The following PKD1 variants were observed in gnomAD, a reference collection of about 807,000 sequenced individuals.
PKD1 encodes the protein polycystin 1, transient receptor potential channel interacting, also known as polycystin-1.
PKD1 carries 81 observed loss-of-function variants against 361.7 expected under a neutral mutation model. The observed-to-expected ratio is 0.22, with a 90% confidence interval of 0.19 to 0.27. PKD1 has a LOEUF of 0.27. Ranked by LOEUF, PKD1 falls within the 10% of genes least tolerant of loss-of-function variation. The probability of loss-of-function intolerance (pLI) is 1.00; values close to 1 mark genes in which losing one functional copy is unlikely to be tolerated. For missense variants in PKD1, 6,399 were observed against 6,118.3 expected (o/e 1.05, Z -1.53); for synonymous variants, 3,615 against 2,818.3 (o/e 1.28, Z -8.95).
chr16:2,092,226 C>A, intron 39 of PKD1, 38 bp from the exon 40 acceptor site: 1 of 1,549,424 alleles, frequency 6.5e-7, no homozygotes, highest in South Asian at 1.2e-5. Context: ...GCCAGGGCCT[C>A]ATCAAAACCC....
intron 39 of PKD1, 90 bp downstream of exon 39, chr16:2,092,390 G>C (rs528412980): frequency 9.8e-7 from 1 of 1,023,416 alleles, no homozygotes; most frequent in East Asian, 2.5e-5. Context: ...CACACAGCTA[G>C]GGAGCAGGGC....
chr16:2,124,235 C>T (rs9933966), intron 1 of PKD1, among the ~76,000 whole-genome samples: 109 of 152,350 alleles, frequency 7.2e-4, no homozygotes, highest in Middle Eastern at 3.4e-3. Flanking sequence ...GCCAGCCTGC[C>T]GGCCCGAGGT....
chr16:2,121,239 C>T (rs991972101), intron 1 of PKD1, among the ~76,000 whole-genome samples: 1 of 151,764 alleles, frequency 6.6e-6, no homozygotes, highest in Non-Finnish European at 1.5e-5. Context: ...GTGGCAAGCA[C>T]CTGTAATTCC....
At chr16:2,097,294 G>A (rs775603859) in intron 33 of PKD1, 25 bp downstream of exon 33, 45 of 1,611,338 alleles carry the variant, frequency 2.8e-5, no homozygotes, top group South Asian at 8.8e-5. Flanking sequence ...GAGCTTCAGA[G>A]CCCCCTCCTC....
chr16:2,126,183 C>T (rs1316366679), intron 1 of PKD1, among the ~76,000 whole-genome samples: 3 of 152,234 alleles, frequency 2.0e-5, no homozygotes, highest in Admixed American at 2.0e-4. Context: ...GCACAGTGGA[C>T]GGGCTCAGAA....
rs1429595075 is a variant in PKD1, at chr16:2,089,134, T to A, written c.*593A>T. On this transcript the variant is annotated 3_prime_UTR_variant, in exon 46 of 46. Coordinates refer to ENST00000262304, the MANE Select transcript of PKD1 (RefSeq NM_001009944.3). ...GCACCGGCCCAAGGCCAAGCTCGCA[T>A]CCAAGCAGCAGCCGGGCTGCCATAA... is the stretch of plus-strand genomic sequence containing the variant. 2 of 169,386 alleles carry A rather than the reference T, an allele frequency of 1.2e-5. No homozygotes were observed. Among genetic ancestry groups the A allele is most frequent in the Non-Finnish European group, 2.6e-5 (2 of 78,376 alleles). 10.5% of individuals were successfully genotyped at this position (169,386 alleles called of 1,614,324 possible).
At chr16:2,124,944 G>A (rs1292166202) in intron 1 of PKD1, among the ~76,000 whole-genome samples, 1 of 152,162 alleles carries the variant, frequency 6.6e-6, no homozygotes, top group African/African-American at 2.4e-5. Flanking sequence ...CCTCCGCCCA[G>A]CAAGAGGACC....
intron 21 of PKD1, 99 bp downstream of exon 21, chr16:2,105,223 G>C: frequency 8.5e-7 from 1 of 1,182,402 alleles, no homozygotes; most frequent in South Asian, 1.3e-5. Context: ...CCAGGCTGGA[G>C]GCTCAGCTCC....
At chr16:2,103,983 T>C (rs1194659963) in intron 22 of PKD1, 88 bp from the exon 23 acceptor site, 1 of 52,620 alleles carries the variant, frequency 1.9e-5, no homozygotes, top group South Asian at 8.4e-5. Flanking sequence ...GGGTGGGGGC[T>C]GGGAGAAAGG....
rs767877591 is a variant in PKD1 at position 2,100,386 on chromosome 16, C to T, written c.9568+10G>A. 3 of 1,611,102 alleles carry T rather than the reference C, an allele frequency of 1.9e-6. No individual in the cohort carries two copies. The highest frequency in any genetic ancestry group is 4.5e-4 in the Middle Eastern group (2 of 4,452). ...GCAGAGGGGCAGAGCTTGGCAGGGT[C>T]CGCACAAACCTTTGTTGTCGTGCCA... On this transcript the variant is annotated intron_variant, in intron 27 of 45. Transcript: ENST00000262304. This position sits in a 1 kb window ranked among gnomAD's most constrained non-coding sequence, Gnocchi z 4.4.
rs375634036 is a variant in PKD1 at position 2,108,939 on chromosome 16, C to T, written c.6228G>A (p.Ser2076=). 171 of 1,603,388 alleles carry T rather than the reference C, an allele frequency of 1.1e-4. No homozygotes were observed. Among genetic ancestry groups the T allele is most frequent in the African/African-American group, 4.7e-4 (35 of 74,784 alleles). The change falls in exon 15 of 46, where the codon TCG becomes TCA. Residue 2076 remains serine, a synonymous_variant. Transcript: ENST00000262304. ...LQSGPCFTNR[S]AQFEAATSPS... is the part of the protein sequence containing the mutation. The stretch of plus-strand genomic sequence containing the variant: ...GGCTGGTGGCGGCCTCAAACTGCGC[C>T]GAGCGGTTGGTGAAGCAGGGGCCGC...
Position 2,091,104 on chromosome 16 carries a change from C to A in PKD1, c.11783G>T (p.Trp3928Leu), listed in dbSNP as rs764746483. 3.5e-5 allele frequency: 52 copies of A among 1,495,318 alleles called. No individual in the cohort carries two copies. The South Asian group carries it at 6.3e-4, about 18-fold the overall frequency. The allele number at this position is 1,495,318 out of a possible 1,614,324, so 92.6% of individuals were successfully genotyped here. Residue 3928 changes from tryptophan (W) to leucine (L), a missense_variant, in exon 43 of 46, where the codon TGG becomes TTG. Transcript: ENST00000262304. Reference protein sequence around the residue: ...EARTWHREGRWRVLRLGAWAR... With the variant: ...EARTWHREGRLRVLRLGAWAR... ...CCAGGCTCCGAGCCGCAGCACGCGC[C>A]AGCGCCCTTCCCTGTGCCAAGTACG...
Position 2,112,836 on chromosome 16 carries a change from G to A in PKD1, c.3113C>T (p.Ala1038Val), listed in dbSNP as rs759525660. 4 of 1,603,396 alleles carry A rather than the reference G, an allele frequency of 2.5e-6. No homozygotes were observed. The highest frequency in any genetic ancestry group is 1.3e-5 in the African/African-American group (1 of 74,866). Reference protein sequence around the residue: ...PAVLSPNATLALTAGVLVDSA... With the variant: ...PAVLSPNATLVLTAGVLVDSA... ...GTCCACCAGCACGCCCGCCGTCAGT[G>A]CTAGCGTGGCATTGGGGGACAGCAC... The change falls in exon 13 of 46, where the codon GCA becomes GTA. Residue 1038 changes from alanine (A) to valine (V), a missense_variant. Transcript: ENST00000262304.
At position 2,088,869 on chromosome 16, in the gene PKD1, GCGTGCGCGCGCGCACACA is replaced by G. The variant is rs2091268538; in HGVS notation, c.*840_*857del. ...TGCCTGGGCCATACAGCACACTCGC[GCGTGCGCGCGCGCACACA>G]CACACACACACAGTCACCTTCCTCC... On this transcript the variant is annotated 3_prime_UTR_variant, in exon 46 of 46. Coordinates refer to ENST00000262304, the MANE Select transcript of PKD1 (RefSeq NM_001009944.3). 2.0e-6 allele frequency: 1 copy of G among 499,968 alleles called. No individual in the cohort carries two copies. The highest frequency in any genetic ancestry group is 2.8e-5 in the African/African-American group (1 of 35,260). The allele number at this position is 499,968 out of a possible 1,614,324, so 31.0% of individuals were successfully genotyped here.
chr16:2,090,652 C>A (rs373413451), intron 44 of PKD1, 22 bp downstream of exon 44: 3 of 1,506,518 alleles, frequency 2.0e-6, no homozygotes, highest in Non-Finnish European at 2.8e-6. Context: ...AAGACGCCCT[C>A]CCCGGCCGCG....
intron 34 of PKD1, chr16:2,096,795 G>A (rs960726181): frequency 1.9e-5 from 6 of 323,862 alleles, no homozygotes; most frequent in African/African-American, 8.5e-5. Flanking sequence ...GGGATTACAC[G>A]TGTGAGCCAC....
rs2855335 is a variant in PKD1, at chr16:2,118,235, G to C, written c.757C>G (p.Pro253Ala). The stretch of plus-strand genomic sequence containing the variant: ...CCCCTACAGGTGGGGGCAGGAGGTG[G>C]CGGGGGGCCGGAGCAGAGGGACAGG... ...ACLSLCSGPP[P>A]PPAPTCRGPT... Residue 253 changes from proline (P) to alanine (A), a missense_variant, in exon 5 of 46, where the codon CCA becomes GCA. Pro to Ala is a conservative substitution (Grantham distance 27). Coordinates refer to ENST00000262304, the MANE Select transcript of PKD1 (RefSeq NM_001009944.3). This position sits in a 1 kb window ranked among gnomAD's most constrained non-coding sequence, Gnocchi z 6.0. 1.3e-6 allele frequency: 2 copies of C among 1,531,082 alleles called. No homozygotes were observed. The highest frequency in any genetic ancestry group is 1.2e-5 in the South Asian group (1 of 84,316). The allele number at this position is 1,531,082 out of a possible 1,614,324, so 94.8% of individuals were successfully genotyped here. A position where few individuals can be genotyped will look rare whatever the true frequency, so the allele number is the denominator to read the frequency against.
intron 1 of PKD1, among the ~76,000 whole-genome samples, chr16:2,122,644 A>G (rs1215546921): frequency 5.9e-5 from 9 of 152,220 alleles, no homozygotes; most frequent in Non-Finnish European, 1.3e-4. Context: ...CTGCCCAAGC[A>G]CCATGCCCGA....
chr16:2,135,302 C>G (rs2092937516), intron 1 of PKD1, 173 bp downstream of exon 1: 1 of 985,196 alleles, frequency 1.0e-6, no homozygotes, highest in Non-Finnish European at 1.2e-6. Context: ...TCCCCGGGGC[C>G]GTGCCAACCG....
Sources: allele counts gnomAD v4.1 joint callset (sites outside exome capture counted in the v4.1 genomes callset), GRCh38; gene constraint gnomAD v4.1.1; non-coding constraint Gnocchi (gnomAD v3.1); transcripts MANE v1.5; gene names NCBI Gene and HGNC (gene_info 2026-07-23, HGNC 2026-07-21).